Variants in KCNMB2 observed in about 807,000 individuals in gnomAD.
The protein encoded by KCNMB2 is potassium calcium-activated channel subfamily M regulatory beta subunit 2.
KCNMB2 carries 9 observed loss-of-function variants against 24.5 expected under a neutral mutation model. The observed-to-expected ratio is 0.37, with a 90% CI of 0.22 to 0.64. The LOEUF (loss-of-function observed/expected upper bound fraction) is 0.64. Ranked by LOEUF, KCNMB2 falls within the 30% of genes least tolerant of loss-of-function variation. The probability of loss-of-function intolerance (pLI) is 0.63; values close to 1 mark genes in which losing one functional copy is unlikely to be tolerated. For missense variants in KCNMB2, 226 were observed against 284.3 expected (o/e 0.79, Z 1.47); for synonymous variants, 109 against 104.4 (o/e 1.04, Z -0.27).
intron 1 of KCNMB2, among the ~76,000 whole-genome samples, chr3:178,593,395 C>A (rs1018640644): frequency 6.6e-6 from 1 of 152,064 alleles, no homozygotes; most frequent in African/African-American, 2.4e-5. Flanking sequence ...TTGAAATCCA[C>A]AATTAAACAT....
At chr3:178,838,363 G>A (rs1715306132) in intron 4 of KCNMB2, among the ~76,000 whole-genome samples, 1 of 152,058 alleles carries the variant, frequency 6.6e-6, no homozygotes, top group Non-Finnish European at 1.5e-5. Context: ...GCTAGTACCA[G>A]GGGATTCTCT....
intron 1 of KCNMB2, among the ~76,000 whole-genome samples, chr3:178,624,203 T>A (rs961109145): frequency 4.7e-5 from 7 of 150,130 alleles, no homozygotes; most frequent in Non-Finnish European, 7.4e-5. Context: ...ATTAAATAAA[T>A]AAATAAATAA....
intron 4 of KCNMB2, among the ~76,000 whole-genome samples, chr3:178,838,031 A>G (rs1715295594): frequency 6.6e-6 from 1 of 152,230 alleles, no homozygotes; most frequent in Non-Finnish European, 1.5e-5. Context: ...ACAAAAATAT[A>G]CAGATACCTG....
intron 1 of KCNMB2, among the ~76,000 whole-genome samples, chr3:178,758,488 T>G (rs865889460): frequency 4.4e-5 from 1 of 22,578 alleles, no homozygotes; most frequent in Non-Finnish European, 7.4e-5. Flanking sequence ...CTCCAAGAGG[T>G]GATTGATATA....
At chr3:178,724,442 A>G (rs953502689) in intron 1 of KCNMB2, among the ~76,000 whole-genome samples, 1 of 152,032 alleles carries the variant, frequency 6.6e-6, no homozygotes, top group African/African-American at 2.4e-5. Flanking sequence ...ATTTTGTCCC[A>G]TTCTCTAGGT....
intron 1 of KCNMB2, among the ~76,000 whole-genome samples, chr3:178,620,564 T>C (rs1718872769): frequency 6.6e-6 from 1 of 152,168 alleles, no homozygotes; most frequent in African/African-American, 2.4e-5. Context: ...TCTTGCATGA[T>C]GAAAAGAATG....
intron 1 of KCNMB2, among the ~76,000 whole-genome samples, chr3:178,588,054 A>G (rs1054914963): frequency 6.6e-6 from 1 of 151,930 alleles, no homozygotes; most frequent in Admixed American, 6.6e-5. Flanking sequence ...CCATGTCCCT[A>G]CAAAGGACAT....
At chr3:178,570,384 T>C (rs1316130052) in intron 1 of KCNMB2, among the ~76,000 whole-genome samples, 1 of 152,064 alleles carries the variant, frequency 6.6e-6, no homozygotes, top group Non-Finnish European at 1.5e-5. Flanking sequence ...AGGAGGTCAT[T>C]AGACAAAACG....
chr3:178,626,938 T>C (rs1259743092), intron 1 of KCNMB2, among the ~76,000 whole-genome samples: 1 of 149,638 alleles, frequency 6.7e-6, no homozygotes, highest in Non-Finnish European at 1.5e-5. Flanking sequence ...AACTATACTA[T>C]AACAAGTAAA....
At chr3:178,833,494 A>G (rs866828879) in intron 4 of KCNMB2, among the ~76,000 whole-genome samples, 5 of 152,214 alleles carry the variant, frequency 3.3e-5, no homozygotes, top group African/African-American at 1.2e-4. Flanking sequence ...TCATTAAACC[A>G]TCTTCATGCA....
chr3:178,652,644 G>T, intron 1 of KCNMB2, among the ~76,000 whole-genome samples: 2 of 147,444 alleles, frequency 1.4e-5, no homozygotes, highest in African/African-American at 5.0e-5. Context: ...GCTATTTCTG[G>T]ACCTCTAGTT....
At chr3:178,549,709 T>A (rs1577003590) in intron 1 of KCNMB2, among the ~76,000 whole-genome samples, 1 of 152,146 alleles carries the variant, frequency 6.6e-6, no homozygotes, top group African/African-American at 2.4e-5. Context: ...GAGAGAGTTC[T>A]GTTAAATAAA....
At chr3:178,537,527 C>T (rs1267187630) in intron 1 of KCNMB2, 1 of 152,136 alleles carries the variant, frequency 6.6e-6, no homozygotes, top group Non-Finnish European at 1.5e-5. Flanking sequence ...AGTTGGGTTC[C>T]AAAGTCCAGT....
At chr3:178,547,033 A>G (rs1715796763) in intron 1 of KCNMB2, among the ~76,000 whole-genome samples, 1 of 152,242 alleles carries the variant, frequency 6.6e-6, no homozygotes, top group Admixed American at 6.5e-5. Context: ...CAACAGTGTT[A>G]AAAGGTGGGA....
At chr3:178,764,488 T>G (rs1213454418) in intron 1 of KCNMB2, among the ~76,000 whole-genome samples, 2 of 152,214 alleles carry the variant, frequency 1.3e-5, no homozygotes, top group African/African-American at 4.8e-5. Context: ...ATTTGTAGCC[T>G]AGGAGCAATA....
intron 1 of KCNMB2, among the ~76,000 whole-genome samples, chr3:178,740,847 T>A (rs185375320): frequency 1.7e-4 from 26 of 152,302 alleles, no homozygotes; most frequent in Admixed American, 1.6e-3. Flanking sequence ...GAAAGAAAGA[T>A]TCTTACTATC....
chr3:178,752,157 A>C (rs1723873127), intron 1 of KCNMB2, among the ~76,000 whole-genome samples: 1 of 152,224 alleles, frequency 6.6e-6, no homozygotes, highest in African/African-American at 2.4e-5. Flanking sequence ...AAGTTCGAGG[A>C]GCTTCCAATC....
chr3:178,614,279 A>ATG (rs1560131672), intron 1 of KCNMB2, among the ~76,000 whole-genome samples: 1 of 72,712 alleles, frequency 1.4e-5, no homozygotes, highest in East Asian at 5.0e-4. Context: ...ATATATATAT[A>ATG]TATATATATA....
Position 178,631,748 on chromosome 3 carries a change from C to T in KCNMB2, c.-68+95037C>T, listed in dbSNP as rs776747478. On this transcript the variant is annotated intron_variant, in intron 1 of 4. Transcript: ENST00000452583. ...TAACTAAAATTCAAATTATGGATTT[C>T]AGCTTGTTTTGCCACTCCTTTGGCT... 5.3e-5 allele frequency among the ~76,000 whole-genome samples: 8 copies of T among 152,332 alleles called. No individual in the cohort carries two copies. The East Asian group carries it at 1.3e-3, about 26-fold the overall frequency.
Sources: allele counts gnomAD v4.1 joint callset (sites outside exome capture counted in the v4.1 genomes callset), GRCh38; gene constraint gnomAD v4.1.1; transcripts MANE v1.5; gene names NCBI Gene and HGNC (gene_info 2026-07-23, HGNC 2026-07-21).